The following POMGNT1 variants were observed in gnomAD, a reference collection of about 807,000 sequenced individuals.
POMGNT1 encodes protein O-linked mannose N-acetylglucosaminyltransferase 1 (beta 1,2-).
In POMGNT1, 67 loss-of-function variants were observed where a neutral mutation model predicts 95.6. The ratio of observed to expected loss-of-function variants is 0.70; its 90% CI spans 0.58 to 0.86. The LOEUF is 0.86. Ranked by LOEUF, POMGNT1 falls within the 40% of genes least tolerant of loss-of-function variation. The pLI, the probability that POMGNT1 is intolerant of heterozygous loss-of-function variation, is 0.00. For synonymous variants in POMGNT1, 298 were observed against 317.9 expected (o/e 0.94, Z 0.66); for missense variants, 719 against 855.2 (o/e 0.84, Z 1.99).
chr1:46,220,301 C>A, exon 1 of POMGNT1: 1 of 1,419,992 alleles, frequency 7.0e-7, no homozygotes, highest in Non-Finnish European at 9.5e-7. Context: ...CTCCCTCAGT[C>A]TGAGACTAGG....
chr1:46,190,636 C>A lies in POMGNT1; in HGVS notation c.1604+84G>T, dbSNP rs1161711218. ...TAGCCGCAGGGCTGGAGTAAACACA[C>A]AGGCCCAGCATTGGAAGGGACTTTC... On this transcript the variant is annotated intron_variant, in intron 18 of 21. Coordinates refer to ENST00000371984, the MANE Select transcript of POMGNT1 (RefSeq NM_017739.4). The A allele has an allele frequency of 2.0e-5, 31 of 1,536,450 alleles. No individual in the cohort carries two copies. In the South Asian group the frequency reaches 3.4e-4, roughly 17 times the overall value.
chr1:46,189,225 C>A lies in POMGNT1; in HGVS notation c.*45G>T. The A allele has an allele frequency of 6.3e-7, 1 of 1,585,616 alleles. No individual in the cohort carries two copies. Among genetic ancestry groups the A allele is most frequent in the Non-Finnish European group, 8.6e-7 (1 of 1,168,790 alleles). Reference sequence around the variant, plus strand: ...AGGATGGAGGGAAGGGCTAGCCAGCCTGGGGGTACACAGTACCCAGCCCCG... The same window carrying A: ...AGGATGGAGGGAAGGGCTAGCCAGCATGGGGGTACACAGTACCCAGCCCCG... On this transcript the variant is annotated 3_prime_UTR_variant, in exon 22 of 22. Transcript: ENST00000371984.
chr1:46,208,485 G>A (rs1408928049), intron 1 of POMGNT1, among the ~76,000 whole-genome samples: 19 of 152,114 alleles, frequency 1.2e-4, no homozygotes, highest in Admixed American at 8.5e-4. Flanking sequence ...AGACTTCCTC[G>A]AGGAGGTGAC....
intron 1 of POMGNT1, among the ~76,000 whole-genome samples, chr1:46,209,539 T>TC (rs1658827229): frequency 6.8e-6 from 1 of 146,264 alleles, no homozygotes; most frequent in Non-Finnish European, 1.5e-5. Flanking sequence ...GTTGTTTTCT[T>TC]TTTTTTTTTC....
upstream of POMGNT1, among the ~76,000 whole-genome samples, chr1:46,202,640 T>C (rs961745491): frequency 2.4e-4 from 31 of 130,032 alleles, no homozygotes; most frequent in Admixed American, 2.8e-3. Context: ...AGGTTTGTAG[T>C]GAGCCAAGAT....
intron 1 of POMGNT1, among the ~76,000 whole-genome samples, chr1:46,203,828 G>A (rs1320292942): frequency 2.0e-5 from 3 of 152,170 alleles, no homozygotes; most frequent in African/African-American, 7.2e-5. Flanking sequence ...TGAGTGGGGT[G>A]TTGATGGTCC....
In POMGNT1 at chr1:46,193,844, C is replaced by A; in HGVS notation, c.950+11G>T. The A allele has an allele frequency of 6.2e-7, 1 of 1,613,880 alleles. No homozygotes were observed. The highest frequency in any genetic ancestry group is 8.5e-7 in the Non-Finnish European group (1 of 1,179,952). Reference sequence around the variant, plus strand: ...TGTTCAGTGCTGGGTATAGCCCATTCCCAGGCTTACCTGTACAGGTAATTG... The same window carrying A: ...TGTTCAGTGCTGGGTATAGCCCATTACCAGGCTTACCTGTACAGGTAATTG... On this transcript the variant is annotated intron_variant, in intron 10 of 21. Coordinates refer to ENST00000371984, the MANE Select transcript of POMGNT1 (RefSeq NM_017739.4).
chr1:46,203,230 T>G, upstream of POMGNT1: 1 of 390,594 alleles, frequency 2.6e-6, no homozygotes. Flanking sequence ...GGCCAGAGGT[T>G]GTGTGCGCAG....
intron 1 of POMGNT1, among the ~76,000 whole-genome samples, chr1:46,212,093 T>G (rs1487700378): frequency 6.6e-6 from 1 of 152,182 alleles, no homozygotes; most frequent in Non-Finnish European, 1.5e-5. Flanking sequence ...ATGGTCTTAC[T>G]CTGGTTTATC....
exon 1 of POMGNT1, chr1:46,220,094 G>C (rs763140506): frequency 6.2e-7 from 1 of 1,614,264 alleles, no homozygotes; most frequent in Non-Finnish European, 8.5e-7. Context: ...TGAGAGCTGT[G>C]TGGAAGCCCC....
intron 18 of POMGNT1, 55 bp from the exon 19 acceptor site, chr1:46,190,572 G>A: frequency 3.9e-6 from 6 of 1,542,832 alleles, no homozygotes; most frequent in South Asian, 1.1e-5. Flanking sequence ...AGGTCCCATG[G>A]GTAGCACTGA....
At chr1:46,190,096 T>TTTA in intron 19 of POMGNT1, 107 bp from the exon 20 acceptor site, 2 of 1,176,000 alleles carry the variant, frequency 1.7e-6, no homozygotes, top group Non-Finnish European at 2.3e-6. Flanking sequence ...ACCTTGAAGT[T>TTTA]CTTTTTTTTT....
chr1:46,194,714 T>A, intron 7 of POMGNT1, 63 bp from the exon 8 acceptor site: 1 of 1,614,106 alleles, frequency 6.2e-7, no homozygotes, highest in Non-Finnish European at 8.5e-7. Context: ...CTTTTTCCCA[T>A]CTCCCTGCCT....
rs1164133873 is a variant in POMGNT1, at chr1:46,195,573, G to A, written c.534+238C>T. The A allele has an allele frequency of 2.9e-5, 17 of 585,700 alleles. No individual in the cohort carries two copies. In the East Asian group the frequency reaches 4.8e-4, roughly 17 times the overall value. The allele number at this position is 585,700 out of a possible 1,614,324, so 36.3% of individuals were successfully genotyped here. A position where few individuals can be genotyped will look rare whatever the true frequency, so the allele number is the denominator to read the frequency against. On this transcript the variant is annotated intron_variant, in intron 6 of 21. Coordinates refer to ENST00000371984, the MANE Select transcript of POMGNT1 (RefSeq NM_017739.4). ...CTGCTGGAATATAAGCTCCATGAGG[G>A]TGGGGACTCTGTCTTGTTTCCCATT... is the stretch of plus-strand genomic sequence containing the variant.
At position 46,196,899 on chromosome 1, in the gene POMGNT1, C is replaced by T. The variant is rs139624921; in HGVS notation, c.236-50G>A. 22 of 1,614,062 alleles carry T rather than the reference C, an allele frequency of 1.4e-5. No individual in the cohort carries two copies. Among genetic ancestry groups the T allele is most frequent in the East Asian group, 2.2e-5 (1 of 44,900 alleles). ...GATAGTCTCCTCAGCAGAGTCTCAC[C>T]GCTTAGGGTCTGCCTGCCACTCCAG... On this transcript the variant is annotated intron_variant, in intron 3 of 21. Coordinates refer to ENST00000371984, the MANE Select transcript of POMGNT1 (RefSeq NM_017739.4). The surrounding 1 kb of genome is among the most constrained non-coding windows in gnomAD (Gnocchi z 4.4).
In POMGNT1 at chr1:46,192,295, C is replaced by A. The variant is rs777424809; in HGVS notation, c.1413+13G>T. 1.2e-6 allele frequency: 2 copies of A among 1,614,064 alleles called. No individual in the cohort carries two copies. The highest frequency in any genetic ancestry group is 2.7e-5 in the African/African-American group (2 of 74,910). The stretch of plus-strand genomic sequence containing the variant: ...AGGGGACTCCAGCCCCCTCACCCTA[C>A]CCTGACAGTTACCTTTTCCGGTGTA... On this transcript the variant is annotated intron_variant, in intron 16 of 21. Coordinates refer to ENST00000371984, the MANE Select transcript of POMGNT1 (RefSeq NM_017739.4).
At chr1:46,195,695 A>G (rs371134189) in intron 6 of POMGNT1, 116 bp downstream of exon 6, 2 of 968,328 alleles carry the variant, frequency 2.1e-6, no homozygotes, top group African/African-American at 3.2e-5. Flanking sequence ...TTGGAACCTG[A>G]GTAACCTTCC....
intron 17 of POMGNT1, chr1:46,191,083 T>C (rs1657732720): frequency 1.3e-5 from 5 of 386,680 alleles, no homozygotes; most frequent in South Asian, 1.1e-4. Flanking sequence ...CCTGCTGTTC[T>C]AGAGCCACAG....
At chr1:46,198,197 C>T in intron 1 of POMGNT1, 139 bp downstream of exon 1, 1 of 240,806 alleles carries the variant, frequency 4.2e-6, no homozygotes. Flanking sequence ...GCGACCTCTC[C>T]TGCCCCAGTC....
Sources: gnomAD v4.1 joint callset for allele counts (sites outside exome capture counted in the v4.1 genomes callset) on GRCh38, gnomAD v4.1.1 for gene constraint, Gnocchi (gnomAD v3.1) non-coding constraint, MANE v1.5 for transcripts, NCBI Gene and HGNC (gene_info 2026-07-23, HGNC 2026-07-21) for gene names.